CACNA1D: variants seen among roughly 807,000 people sequenced by gnomAD.
CACNA1D encodes the protein calcium voltage-gated channel subunit alpha1 D.
In CACNA1D, 55 loss-of-function variants were observed where a neutral mutation model predicts 257.1. The observed-to-expected ratio is 0.21, with a 90% CI of 0.17 to 0.27. The LOEUF is 0.27. Among genes scored for constraint, CACNA1D ranks in the 10% least tolerant of loss-of-function variants. The pLI is 1.00. For missense variants in CACNA1D, 1,876 were observed against 2,784.0 expected, an observed-to-expected ratio of 0.67 and a Z score of 7.34; for synonymous variants, 980 against 1,014.9, an observed-to-expected ratio of 0.97 and a Z score of 0.65.
intron 39 of CACNA1D, among the ~76,000 whole-genome samples, chr3:53,783,532 G>A (rs956139169): frequency 6.6e-6 from 1 of 152,220 alleles, no homozygotes; most frequent in Admixed American, 6.5e-5. Context: ...GGCACAAGAA[G>A]AGAGAAGTGG....
In CACNA1D at chr3:53,811,191, G is replaced by A; in HGVS notation, c.6271G>A (p.Ala2091Thr). Residue 2091 changes from alanine (A) to threonine (T), a missense_variant, in exon 48 of 48, where the codon GCC becomes ACC. By Grantham distance (58) the Ala-to-Thr change is moderately conservative. Coordinates refer to ENST00000350061, the MANE Select transcript of CACNA1D (RefSeq NM_001128840.3). The surrounding 1 kb of genome is among the most constrained non-coding windows in gnomAD (Gnocchi z 4.2). ...AGCAACAAAACACGAAATCGCTGAT[G>A]CCTGTGACCTCACCATCGACGAGAT... ...VSATKHEIAD[A>T]CDLTIDEMES... 6.2e-7 allele frequency: 1 copy of A among 1,614,102 alleles called. No homozygotes were observed. Among genetic ancestry groups the A allele is most frequent in the Non-Finnish European group, 8.5e-7 (1 of 1,179,994 alleles).
chr3:53,646,291 A>G (rs1278042632), intron 3 of CACNA1D, among the ~76,000 whole-genome samples: 3 of 152,226 alleles, frequency 2.0e-5, no homozygotes, highest in Admixed American at 6.5e-5. Context: ...TGAGATATTG[A>G]GATCAGCTGT....
chr3:53,627,521 C>T (rs2093773119), intron 3 of CACNA1D, among the ~76,000 whole-genome samples: 1 of 150,646 alleles, frequency 6.6e-6, no homozygotes, highest in Non-Finnish European at 1.5e-5. Flanking sequence ...AGGAAGGGGA[C>T]CTCCCTCTAG....
chr3:53,593,092 G>T (rs72966332), intron 3 of CACNA1D, among the ~76,000 whole-genome samples: 2 of 152,144 alleles, frequency 1.3e-5, no homozygotes, highest in South Asian at 2.1e-4. Flanking sequence ...TTCACGGTCT[G>T]GGGGAGCTAA....
rs528456745 is a variant in CACNA1D at position 53,793,332 on chromosome 3, G to A, written c.4923+6380G>A. 1.2e-4 allele frequency among the ~76,000 whole-genome samples: 18 copies of A among 152,338 alleles called. No individual in the cohort carries two copies. The highest frequency in any genetic ancestry group is 3.4e-4 in the African/African-American group (14 of 41,584). ...TGTATCGTCCCTGAAAGGGAAGCCC[G>A]TCAGTCCTGTGGGGGTCCGTCAGTC... On this transcript the variant is annotated intron_variant, in intron 40 of 47. Transcript: ENST00000350061. This position sits in a 1 kb window ranked among gnomAD's most constrained non-coding sequence, Gnocchi z 4.1.
intron 15 of CACNA1D, among the ~76,000 whole-genome samples, chr3:53,728,427 C>T (rs1202153511): frequency 6.6e-6 from 1 of 152,214 alleles, no homozygotes; most frequent in Non-Finnish European, 1.5e-5. Flanking sequence ...GTGTGAGCCA[C>T]TGCGCCCGGC....
chr3:53,697,461 A>G (rs1478266172), intron 8 of CACNA1D, among the ~76,000 whole-genome samples: 2 of 152,260 alleles, frequency 1.3e-5, no homozygotes, highest in Non-Finnish European at 2.9e-5. Context: ...CCTGCCTGCA[A>G]GGAGCTTACA....
chr3:53,655,776 A>T (rs1462875817), intron 4 of CACNA1D, among the ~76,000 whole-genome samples: 1 of 151,988 alleles, frequency 6.6e-6, no homozygotes, highest in Non-Finnish European at 1.5e-5. Flanking sequence ...GAAGCTCTTA[A>T]GTTTAATTAG....
At chr3:53,730,585 T>G (rs752958156) in intron 16 of CACNA1D, 29 bp downstream of exon 16, 13 of 1,510,970 alleles carry the variant, frequency 8.6e-6, no homozygotes, top group Admixed American at 1.7e-5. Context: ...GACGTGTTTG[T>G]CCAGGGGCTG....
chr3:53,634,344 A>G (rs1429206048), intron 3 of CACNA1D, among the ~76,000 whole-genome samples: 1 of 152,232 alleles, frequency 6.6e-6, no homozygotes, highest in Non-Finnish European at 1.5e-5. Flanking sequence ...AAAGCATTAA[A>G]AAAGCATCTA....
intron 3 of CACNA1D, among the ~76,000 whole-genome samples, chr3:53,529,734 G>GGC (rs1170920890): frequency 3.3e-4 from 51 of 152,326 alleles, no homozygotes; most frequent in African/African-American, 1.2e-3. Context: ...AATACTTTAA[G>GGC]TGGGTTGAGC....
At chr3:53,508,734 A>G (rs537214526) in intron 3 of CACNA1D, among the ~76,000 whole-genome samples, 89 of 152,214 alleles carry the variant, frequency 5.8e-4, no homozygotes, top group Non-Finnish European at 1.0e-3. Flanking sequence ...AAAGTACCCA[A>G]TACAGGGTGA....
intron 3 of CACNA1D, among the ~76,000 whole-genome samples, chr3:53,552,985 G>A (rs1288661551): frequency 6.6e-6 from 1 of 152,198 alleles, no homozygotes; most frequent in African/African-American, 2.4e-5. Flanking sequence ...GAGAGCAGTT[G>A]CTTTCAAGTT....
At chr3:53,606,242 G>A (rs2093508441) in intron 3 of CACNA1D, among the ~76,000 whole-genome samples, 1 of 152,204 alleles carries the variant, frequency 6.6e-6, no homozygotes, top group African/African-American at 2.4e-5. Context: ...AAAGAGAAAT[G>A]CAGAGATCCA....
intron 8 of CACNA1D, among the ~76,000 whole-genome samples, chr3:53,687,301 A>T (rs2094481697): frequency 6.6e-6 from 1 of 152,056 alleles, no homozygotes; most frequent in Non-Finnish European, 1.5e-5. Flanking sequence ...ATTGCAAATG[A>T]CCTCTAATGA....
chr3:53,579,105 AG>A (rs1022921454), intron 3 of CACNA1D, among the ~76,000 whole-genome samples: 1 of 152,232 alleles, frequency 6.6e-6, no homozygotes, highest in African/African-American at 2.4e-5. Context: ...CCTCTAAGTC[AG>A]GCCTGCAGGT....
At chr3:53,747,157 G>T in intron 25 of CACNA1D, 145 bp from the exon 26 acceptor site, 1 of 745,396 alleles carries the variant, frequency 1.3e-6, no homozygotes, top group Admixed American at 1.8e-5. Flanking sequence ...GAGAAACGGC[G>T]CCGGTGTTAT....
At chr3:53,727,155 C>T (rs1423314059) in intron 15 of CACNA1D, among the ~76,000 whole-genome samples, 156 bp downstream of exon 15, 1 of 152,170 alleles carries the variant, frequency 6.6e-6, no homozygotes, top group African/African-American at 2.4e-5. Context: ...TTCTTCCATG[C>T]TGCTGGGGGA....
chr3:53,702,837 C>G, intron 9 of CACNA1D, 27 bp downstream of exon 9: 1 of 1,613,460 alleles, frequency 6.2e-7, no homozygotes, highest in East Asian at 2.2e-5. Flanking sequence ...CTGCCCCTGG[C>G]TAGACAGACC....
Sources: allele counts gnomAD v4.1 joint callset (sites outside exome capture counted in the v4.1 genomes callset), GRCh38; gene constraint gnomAD v4.1.1; non-coding constraint Gnocchi (gnomAD v3.1); transcripts MANE v1.5; gene names NCBI Gene and HGNC (gene_info 2026-07-23, HGNC 2026-07-21).